TMPRSS15: variants seen among roughly 807,000 people sequenced by gnomAD.
TMPRSS15 encodes the protein enteropeptidase.
In TMPRSS15, 128 loss-of-function variants were observed where a neutral mutation model predicts 125.3. That is an observed-to-expected ratio of 1.02 (90% confidence interval 0.89 to 1.18). The LOEUF (loss-of-function observed/expected upper bound fraction) is 1.18, where lower values mean the gene tolerates loss of function less well. Ranked by LOEUF, TMPRSS15 falls within the 50% of genes most tolerant of loss-of-function variation. The pLI is 0.00. For synonymous variants in TMPRSS15, 446 were observed against 423.2 expected, an observed-to-expected ratio of 1.05 and a Z score of -0.66; for missense variants, 1,283 against 1,212.7, an observed-to-expected ratio of 1.06 and a Z score of -0.86.
intron 1 of TMPRSS15, among the ~76,000 whole-genome samples, chr21:18,422,370 TA>T (rs533277700): frequency 0.037 from 5,543 of 148,580 alleles, 134 homozygotes; most frequent in Non-Finnish European, 0.058. Context: ...TATGTTTATT[TA>T]AAAAAAAAAA....
At chr21:18,466,448 A>T (rs538303336) in intron 1 of TMPRSS15, among the ~76,000 whole-genome samples, 1 of 152,270 alleles carries the variant, frequency 6.6e-6, no homozygotes, top group South Asian at 2.1e-4. Context: ...TGCACAGCAA[A>T]AAAAAAACTA....
rs141029116 is a variant in TMPRSS15, at chr21:18,430,394, G to T, written c.11-32065C>A. Among the ~76,000 whole-genome samples the T allele has an allele frequency of 1.1e-4, 17 of 152,180 alleles. No individual in the cohort carries two copies. In the East Asian group the frequency reaches 3.1e-3, roughly 28 times the overall value. On this transcript the variant is annotated intron_variant, in intron 1 of 7. Coordinates refer to the TMPRSS15 transcript ENST00000422787. ...TTTATGTTGCTTGATCAAAGATCTA[G>T]TTACTTATTTTGGCAGCAGAAAATA...
intron 1 of TMPRSS15, chr21:18,460,856 G>T (rs1247275295): frequency 6.6e-6 from 1 of 152,034 alleles, no homozygotes. Flanking sequence ...ACACATCTGG[G>T]CACTGTTGAC....
At chr21:18,285,711 C>G (rs993301084) in intron 21 of TMPRSS15, among the ~76,000 whole-genome samples, 1 of 152,164 alleles carries the variant, frequency 6.6e-6, no homozygotes, top group Non-Finnish European at 1.5e-5. Flanking sequence ...AATGAAATAA[C>G]ACTGGCGAAG....
rs1444916524 is a variant in TMPRSS15, at chr21:18,345,750, A to AAAAAAAAAAAC, written c.1172-1691_1172-1690insGTTTTTTTTTT. Among the ~76,000 whole-genome samples the AAAAAAAAAAAC allele has an allele frequency of 1.2e-3, 177 of 142,134 alleles. 5 individuals are homozygous for AAAAAAAAAAAC. The highest frequency in any genetic ancestry group is 4.4e-3 in the African/African-American group (172 of 39,018). The allele number at this position is 142,134 out of a possible 152,430, so 93.2% of individuals were successfully genotyped here. ...AGTGAGACTCCGTCTCAAAAAAAAA[A>AAAAAAAAAAAC]AAAAAAAAAAAATCCACTGAATATC... On this transcript the variant is annotated intron_variant, in intron 10 of 24. Coordinates refer to ENST00000284885, the MANE Select transcript of TMPRSS15 (RefSeq NM_002772.3).
intron 1 of TMPRSS15, among the ~76,000 whole-genome samples, chr21:18,430,065 T>C (rs544961186): frequency 7.3e-4 from 111 of 152,344 alleles, no homozygotes; most frequent in Non-Finnish European, 1.4e-3. Context: ...TGATGCATGT[T>C]AGCACTTATC....
chr21:18,289,470 C>T (rs1384764645), intron 21 of TMPRSS15, among the ~76,000 whole-genome samples: 2 of 152,186 alleles, frequency 1.3e-5, no homozygotes, highest in Non-Finnish European at 2.9e-5. Context: ...CAAGATCGTG[C>T]CATTGCACTC....
chr21:18,436,388 T>C (rs993150506), intron 1 of TMPRSS15, among the ~76,000 whole-genome samples: 1 of 152,128 alleles, frequency 6.6e-6, no homozygotes, highest in Non-Finnish European at 1.5e-5. Flanking sequence ...TTTCGTTATG[T>C]ACCCAGTAGT....
At chr21:18,292,511 G>A (rs2074850502) in intron 21 of TMPRSS15, among the ~76,000 whole-genome samples, 1 of 152,194 alleles carries the variant, frequency 6.6e-6, no homozygotes. Flanking sequence ...GAAAAGCTAT[G>A]AGATTGGTAT....
intron 1 of TMPRSS15, among the ~76,000 whole-genome samples, chr21:18,449,895 A>G (rs2123252698): frequency 6.6e-6 from 1 of 151,746 alleles, no homozygotes; most frequent in African/African-American, 2.4e-5. Context: ...ACACACACAC[A>G]CACACCTATA....
At chr21:18,372,098 ATGTGTGTGTGTGTGTGTGTGTG>A (rs56932398) in intron 6 of TMPRSS15, 73 bp downstream of exon 6, 3 of 537,612 alleles carry the variant, frequency 5.6e-6, no homozygotes, top group East Asian at 4.0e-5. Flanking sequence ...TGAGATTAGA[ATGTGTGTGTGTGTGTGTGTGTG>A]TGTGTGTGTG....
intron 18 of TMPRSS15, among the ~76,000 whole-genome samples, chr21:18,299,722 A>G (rs1219783698): frequency 6.6e-6 from 1 of 152,134 alleles, no homozygotes; most frequent in African/African-American, 2.4e-5. Flanking sequence ...TTGACTCCCC[A>G]TGACACATTC....
intron 16 of TMPRSS15, among the ~76,000 whole-genome samples, chr21:18,323,331 T>C (rs947439034): frequency 1.6e-4 from 24 of 152,182 alleles, no homozygotes; most frequent in African/African-American, 5.5e-4. Context: ...GAGAGCTTCA[T>C]AATCATGGCA....
intron 5 of TMPRSS15, among the ~76,000 whole-genome samples, chr21:18,373,397 G>T (rs1445236059): frequency 6.6e-6 from 1 of 151,990 alleles, no homozygotes; most frequent in Non-Finnish European, 1.5e-5. Context: ...ACAGAGTAAA[G>T]ATCAAAGCCA....
intron 1 of TMPRSS15, among the ~76,000 whole-genome samples, chr21:18,476,765 C>G (rs1254628761): frequency 6.6e-6 from 1 of 152,136 alleles, no homozygotes; most frequent in South Asian, 2.1e-4. Flanking sequence ...TTATAGTAGA[C>G]CACTTATAAG....
chr21:18,351,216 C>T (rs554269132), intron 10 of TMPRSS15, among the ~76,000 whole-genome samples: 39 of 152,178 alleles, frequency 2.6e-4, no homozygotes, highest in African/African-American at 8.2e-4. Flanking sequence ...ATTGCAATGC[C>T]AATTTGCTTA....
intron 14 of TMPRSS15, among the ~76,000 whole-genome samples, chr21:18,330,253 G>A (rs8128136): frequency 0.049 from 7,468 of 152,194 alleles, 601 homozygotes; most frequent in African/African-American, 0.17. Context: ...CACAACAGGA[G>A]TTCAAATCAC....
intron 3 of TMPRSS15, among the ~76,000 whole-genome samples, chr21:18,396,816 A>G (rs77789303): frequency 4.8e-4 from 46 of 96,092 alleles, no homozygotes; most frequent in East Asian, 3.2e-3. Context: ...CTGTCTATCT[A>G]TCTATCTATC....
At position 18,431,144 on chromosome 21, in the gene TMPRSS15, G is replaced by T. The variant is rs147049059; in HGVS notation, c.11-32815C>A. Among the ~76,000 whole-genome samples the T allele has an allele frequency of 3.9e-4, 59 of 152,228 alleles. No individual in the cohort carries two copies. In the East Asian group the frequency reaches 6.7e-3, roughly 17 times the overall value. On this transcript the variant is annotated intron_variant, in intron 1 of 7. Transcript: ENST00000422787. ...AAGTCTCCCAGTAAAAAGAGAAAAA[G>T]AATTTTATACTTGCTGTGTTAGTTT...
Sources: gnomAD v4.1 joint callset for allele counts (sites outside exome capture counted in the v4.1 genomes callset) on GRCh38, gnomAD v4.1.1 for gene constraint, MANE v1.5 for transcripts, NCBI Gene and HGNC (gene_info 2026-07-23, HGNC 2026-07-21) for gene names.